Variants in SNTG1 observed in about 807,000 individuals in gnomAD.
SNTG1 encodes syntrophin gamma 1.
In SNTG1, 39 loss-of-function variants were observed where a neutral mutation model predicts 74.7. That is an observed-to-expected ratio of 0.52 (90% confidence interval 0.40 to 0.68). The LOEUF (loss-of-function observed/expected upper bound fraction) is 0.68, where lower values mean the gene tolerates loss of function less well. Among genes scored for constraint, SNTG1 ranks in the 30% least tolerant of loss-of-function variants. The pLI is 0.00. For synonymous variants in SNTG1, 254 were observed against 217.1 expected (o/e 1.17, Z -1.49); for missense variants, 685 against 609.5 (o/e 1.12, Z -1.30).
At chr8:50,547,175 G>A (rs2094394267) in intron 11 of SNTG1, among the ~76,000 whole-genome samples, 1 of 152,160 alleles carries the variant, frequency 6.6e-6, no homozygotes, top group Non-Finnish European at 1.5e-5. Flanking sequence ...TCATCCTGAT[G>A]TTACATGTGG....
At chr8:50,492,079 G>A (rs2093861522) in intron 8 of SNTG1, among the ~76,000 whole-genome samples, 1 of 152,058 alleles carries the variant, frequency 6.6e-6, no homozygotes, top group Non-Finnish European at 1.5e-5. Context: ...CCTTTTTTAT[G>A]ACTGCATAGT....
At chr8:50,528,620 CT>C (rs922455244) in intron 9 of SNTG1, among the ~76,000 whole-genome samples, 4 of 151,364 alleles carry the variant, frequency 2.6e-5, no homozygotes, top group Admixed American at 2.6e-4. Flanking sequence ...TCTCTTTCTT[CT>C]TTTGTAAATT....
At chr8:50,655,046 T>C (rs981168266) in intron 13 of SNTG1, among the ~76,000 whole-genome samples, 3 of 152,332 alleles carry the variant, frequency 2.0e-5, no homozygotes, top group Admixed American at 6.5e-5. Flanking sequence ...TTTGTATTAA[T>C]GATTAACCTC....
At chr8:50,027,327 A>G (rs1437175674) in intron 1 of SNTG1, among the ~76,000 whole-genome samples, 1 of 152,024 alleles carries the variant, frequency 6.6e-6, no homozygotes, top group African/African-American at 2.4e-5. Context: ...GGTGTTGTTG[A>G]CACCAGCCTT....
intron 2 of SNTG1, among the ~76,000 whole-genome samples, chr8:50,282,698 G>A (rs543634696): frequency 8.5e-5 from 13 of 152,138 alleles, no homozygotes; most frequent in African/African-American, 2.2e-4. Flanking sequence ...CCCAGGAGGC[G>A]GAGGTTGCAG....
At chr8:50,515,089 T>C (rs2130028504) in intron 9 of SNTG1, among the ~76,000 whole-genome samples, 1 of 152,314 alleles carries the variant, frequency 6.6e-6, no homozygotes, top group Middle Eastern at 3.4e-3. Flanking sequence ...TCATTTCATT[T>C]TCAGCCTGTG....
intron 2 of SNTG1, among the ~76,000 whole-genome samples, chr8:50,227,293 G>T (rs966736462): frequency 6.6e-6 from 1 of 152,150 alleles, no homozygotes; most frequent in African/African-American, 2.4e-5. Flanking sequence ...TCATGGTGCT[G>T]CAGTTTTAGA....
At chr8:50,507,466 A>G (rs2623202) in intron 9 of SNTG1, among the ~76,000 whole-genome samples, 1 of 151,744 alleles carries the variant, frequency 6.6e-6, no homozygotes, top group South Asian at 2.1e-4. Context: ...GGCCCTTCGT[A>G]TTTTGTGAGG....
chr8:50,166,791 T>G (rs1349522091), intron 1 of SNTG1, among the ~76,000 whole-genome samples: 2 of 146,842 alleles, frequency 1.4e-5, no homozygotes, highest in East Asian at 2.0e-4. Context: ...CAAAGGACTA[T>G]AAATCATGCT....
chr8:50,044,857 G>A (rs1305971274), intron 1 of SNTG1, among the ~76,000 whole-genome samples: 2 of 152,162 alleles, frequency 1.3e-5, no homozygotes, highest in Non-Finnish European at 2.9e-5. Context: ...CTTAAGAGAT[G>A]ATTTTATGGT....
intron 9 of SNTG1, among the ~76,000 whole-genome samples, chr8:50,529,288 G>A (rs1287519300): frequency 2.6e-5 from 4 of 151,888 alleles, no homozygotes; most frequent in African/African-American, 4.8e-5. Flanking sequence ...TCAGTATAGC[G>A]AGAAAGCCTA....
At chr8:50,541,415 C>A (rs1198203614) in intron 11 of SNTG1, among the ~76,000 whole-genome samples, 1 of 152,034 alleles carries the variant, frequency 6.6e-6, no homozygotes, top group Non-Finnish European at 1.5e-5. Flanking sequence ...TCCCTCTTGC[C>A]CTCCTCCCTC....
At chr8:50,436,035 A>G (rs1245893022) in intron 4 of SNTG1, among the ~76,000 whole-genome samples, 2 of 152,184 alleles carry the variant, frequency 1.3e-5, no homozygotes, top group East Asian at 3.9e-4. Context: ...AGCAGCAATT[A>G]CTGACCGAGT....
intron 1 of SNTG1, among the ~76,000 whole-genome samples, chr8:50,081,698 A>G (rs1302019079): frequency 1.3e-5 from 2 of 152,014 alleles, no homozygotes; most frequent in African/African-American, 4.8e-5. Flanking sequence ...CAGTGGTGCT[A>G]TCTTGGCTCA....
intron 15 of SNTG1, among the ~76,000 whole-genome samples, chr8:50,701,960 C>G (rs775988498): frequency 6.6e-6 from 1 of 151,906 alleles, no homozygotes; most frequent in African/African-American, 2.4e-5. Context: ...AAGTGATTCT[C>G]CTGCCTCAGA....
At chr8:50,659,599 T>G (rs751774123) in intron 15 of SNTG1, among the ~76,000 whole-genome samples, 2 of 152,208 alleles carry the variant, frequency 1.3e-5, no homozygotes, top group Non-Finnish European at 2.9e-5. Flanking sequence ...GAACTTTGGA[T>G]TAAAGCTGAA....
intron 15 of SNTG1, among the ~76,000 whole-genome samples, chr8:50,664,420 A>G (rs1220196903): frequency 6.6e-6 from 1 of 152,212 alleles, no homozygotes; most frequent in East Asian, 1.9e-4. Flanking sequence ...GGCAAATGCC[A>G]CAAACATTGA....
At chr8:50,530,521 A>C (rs1227096722) in intron 10 of SNTG1, among the ~76,000 whole-genome samples, 4 of 152,342 alleles carry the variant, frequency 2.6e-5, no homozygotes, top group Admixed American at 2.6e-4. Flanking sequence ...TATAATATAC[A>C]ATCATTTTAG....
At chr8:50,744,008 T>A (rs1440713750) in intron 17 of SNTG1, among the ~76,000 whole-genome samples, 1 of 151,722 alleles carries the variant, frequency 6.6e-6, no homozygotes, top group African/African-American at 2.4e-5. Context: ...TCAGACAGGA[T>A]TTCCTATGAA....
Sources: allele counts gnomAD v4.1 joint callset (sites outside exome capture counted in the v4.1 genomes callset), GRCh38; gene constraint gnomAD v4.1.1; transcripts MANE v1.5; gene names NCBI Gene and HGNC (gene_info 2026-07-23, HGNC 2026-07-21).